Variants in IQCM observed in about 807,000 individuals in gnomAD.
The protein encoded by IQCM is IQ motif containing M.
IQCM carries 45 observed loss-of-function variants against 57.6 expected under a neutral mutation model. The ratio of observed to expected loss-of-function variants is 0.78; its 90% CI spans 0.62 to 1.00. The LOEUF (loss-of-function observed/expected upper bound fraction) is 1.00. Among genes scored for constraint, IQCM ranks in the 50% least tolerant of loss-of-function variants. IQCM has a pLI of 0.00. For missense variants in IQCM, 468 were observed against 511.6 expected, an observed-to-expected ratio of 0.91 and a Z score of 0.82; for synonymous variants, 148 against 158.9, an observed-to-expected ratio of 0.93 and a Z score of 0.51.
intron 2 of IQCM, among the ~76,000 whole-genome samples, chr4:149,765,160 T>C (rs746311009): frequency 2.0e-5 from 3 of 152,096 alleles, no homozygotes; most frequent in Admixed American, 2.0e-4. Context: ...GCTACACTAA[T>C]GCATCTTATG....
intron 2 of IQCM, among the ~76,000 whole-genome samples, chr4:149,814,008 G>A (rs1774829031): frequency 6.6e-6 from 1 of 151,996 alleles, no homozygotes; most frequent in African/African-American, 2.4e-5. Context: ...GCTTCATGAA[G>A]AAAGTATCTG....
intron 7 of IQCM, among the ~76,000 whole-genome samples, chr4:149,674,643 A>T (rs1321709045): frequency 6.6e-6 from 1 of 152,070 alleles, no homozygotes; most frequent in African/African-American, 2.4e-5. Flanking sequence ...AAACCTTTCC[A>T]GGCAGAGAGA....
At chr4:149,514,662 C>T (rs370815302) in intron 12 of IQCM, 112 of 152,352 alleles carry the variant, frequency 7.4e-4, no homozygotes, top group African/African-American at 2.5e-3. Context: ...TGTCTCTTAA[C>T]CTTCTTGGAG....
chr4:149,634,486 G>A (rs113143472), intron 7 of IQCM, among the ~76,000 whole-genome samples: 2,211 of 152,228 alleles, frequency 0.015, 36 homozygotes, highest in African/African-American at 0.042. Flanking sequence ...TATAAGGCAT[G>A]GATGACATCT....
intron 13 of IQCM, among the ~76,000 whole-genome samples, chr4:149,399,480 A>C (rs1732466412): frequency 6.6e-6 from 1 of 152,070 alleles, no homozygotes; most frequent in Non-Finnish European, 1.5e-5. Flanking sequence ...AACAAGAAAA[A>C]AAGAGTGATA....
At chr4:149,658,992 T>C (rs1759900676) in intron 7 of IQCM, among the ~76,000 whole-genome samples, 1 of 152,012 alleles carries the variant, frequency 6.6e-6, no homozygotes, top group African/African-American at 2.4e-5. Context: ...ATTGCTTGGA[T>C]GAAGACTTCT....
rs374194328 is a variant in IQCM at position 149,368,237 on chromosome 4, T to C, written c.1391-16171A>G. 5.0e-4 allele frequency among the ~76,000 whole-genome samples: 76 copies of C among 152,130 alleles called. 1 individual carries two copies. The highest frequency in any genetic ancestry group is 3.4e-3 in the Middle Eastern group (1 of 294). ...TTTTTATTAATTAAATAATTAATTGTTTTGGACTTGTTGAATTTTTTCAAT... is the reference window on the plus strand; with the variant it reads ...TTTTTATTAATTAAATAATTAATTGCTTTGGACTTGTTGAATTTTTTCAAT... On this transcript the variant is annotated intron_variant, in intron 13 of 13. Coordinates refer to ENST00000636793, the MANE Select transcript of IQCM (RefSeq NM_001363507.2).
intron 12 of IQCM, among the ~76,000 whole-genome samples, chr4:149,481,837 A>T (rs554650734): frequency 6.6e-6 from 1 of 151,244 alleles, no homozygotes; most frequent in East Asian, 1.9e-4. Flanking sequence ...CAGGAATTGC[A>T]TTGAATCTGT....
chr4:149,583,326 T>G (rs149515227), intron 9 of IQCM, among the ~76,000 whole-genome samples: 1 of 151,536 alleles, frequency 6.6e-6, no homozygotes. Flanking sequence ...TATCAATAAT[T>G]AAAGCAAATT....
In IQCM at chr4:149,735,475, G is replaced by A; in HGVS notation, c.38-17C>T. The A allele has an allele frequency of 1.8e-6, 2 of 1,122,614 alleles. No individual in the cohort carries two copies. Among genetic ancestry groups the A allele is most frequent in the Non-Finnish European group, 2.3e-6 (2 of 887,164 alleles). The allele number at this position is 1,122,614 out of a possible 1,614,324, so 69.5% of individuals were successfully genotyped here. A position where few individuals can be genotyped will look rare whatever the true frequency, so the allele number is the denominator to read the frequency against. On this transcript the variant is annotated splice_polypyrimidine_tract_variant and intron_variant, in intron 3 of 13. Transcript: ENST00000636793. ...ATGTAGGACCTAATATACAAACAGA[G>A]AAACATTTTTTAAGCAGTTAATGTG...
chr4:149,637,441 G>C (rs1757827003), intron 7 of IQCM, among the ~76,000 whole-genome samples: 2 of 152,084 alleles, frequency 1.3e-5, no homozygotes, highest in African/African-American at 4.8e-5. Context: ...TTTTAAGATT[G>C]TTATTCCATG....
intron 7 of IQCM, among the ~76,000 whole-genome samples, chr4:149,623,240 C>A (rs1392926014): frequency 1.3e-5 from 2 of 152,188 alleles, no homozygotes; most frequent in Non-Finnish European, 2.9e-5. Context: ...TTAAATCTTA[C>A]AGGCAAAGAG....
chr4:149,396,951 T>C (rs1420175534), intron 13 of IQCM, among the ~76,000 whole-genome samples: 1 of 152,066 alleles, frequency 6.6e-6, no homozygotes, highest in East Asian at 1.9e-4. Flanking sequence ...CATCTGTTGA[T>C]GGACATTTAG....
At chr4:149,735,754 C>A (rs1169611218) in intron 3 of IQCM, among the ~76,000 whole-genome samples, 2 of 152,092 alleles carry the variant, frequency 1.3e-5, no homozygotes, top group African/African-American at 2.4e-5. Context: ...AAGTTATTAA[C>A]AAGTCTGTGT....
intron 12 of IQCM, among the ~76,000 whole-genome samples, chr4:149,516,441 G>A (rs931761249): frequency 6.6e-6 from 1 of 152,140 alleles, no homozygotes; most frequent in Non-Finnish European, 1.5e-5. Flanking sequence ...TCATGCTCAT[G>A]GAATTCACTG....
At position 149,666,983 on chromosome 4, in the gene IQCM, G is replaced by A. The variant is rs905484940; in HGVS notation, c.565+15135C>T. ...CTGGGACAGAGCACCTGGGGGAAGG[G>A]ACAGCTGTGGGCACAGCTTCAGCAG... is the stretch of plus-strand genomic sequence containing the variant. On this transcript the variant is annotated intron_variant, in intron 7 of 13. Coordinates refer to ENST00000636793, the MANE Select transcript of IQCM (RefSeq NM_001363507.2). 7.9e-5 allele frequency among the ~76,000 whole-genome samples: 12 copies of A among 152,128 alleles called. No individual in the cohort carries two copies. In the South Asian group the frequency reaches 8.3e-4, roughly 11 times the overall value.
chr4:149,460,345 G>A (rs2149708894), intron 12 of IQCM, among the ~76,000 whole-genome samples: 1 of 152,188 alleles, frequency 6.6e-6, no homozygotes, highest in South Asian at 2.1e-4. Flanking sequence ...TTGCAAATAT[G>A]TTCTCCCATT....
chr4:149,554,819 C>A (rs1034268682), intron 10 of IQCM, among the ~76,000 whole-genome samples: 1 of 151,924 alleles, frequency 6.6e-6, no homozygotes, highest in Non-Finnish European at 1.5e-5. Flanking sequence ...CCTGCCTCAG[C>A]CTCCAGAGCA....
chr4:149,513,172 G>T (rs1744596612), intron 12 of IQCM, among the ~76,000 whole-genome samples: 1 of 152,084 alleles, frequency 6.6e-6, no homozygotes, highest in African/African-American at 2.4e-5. Context: ...GCTTCTAAAG[G>T]GTATGGAATA....
Sources: gnomAD v4.1 joint callset for allele counts (sites outside exome capture counted in the v4.1 genomes callset) on GRCh38, gnomAD v4.1.1 for gene constraint, MANE v1.5 for transcripts, NCBI Gene and HGNC (gene_info 2026-07-23, HGNC 2026-07-21) for gene names.